KLHL41: variants seen among roughly 807,000 people sequenced by gnomAD.
The protein encoded by KLHL41 is kelch like family member 41.
Under a neutral mutation model 49.2 loss-of-function variants are expected in KLHL41, and 31 were observed. The ratio of observed to expected loss-of-function variants is 0.63; its 90% CI spans 0.47 to 0.85. KLHL41 has a LOEUF of 0.85. KLHL41 is among the 40% of genes least tolerant of loss of function. The pLI is 0.00. For missense variants in KLHL41, 663 were observed against 726.7 expected, an observed-to-expected ratio of 0.91 and a Z score of 1.01; for synonymous variants, 218 against 258.5, an observed-to-expected ratio of 0.84 and a Z score of 1.50.
intron 1 of KLHL41, among the ~76,000 whole-genome samples, chr2:169,512,834 G>C (rs773715604): frequency 6.6e-5 from 10 of 152,200 alleles, no homozygotes; most frequent in Non-Finnish European, 1.3e-4. Context: ...TAATTTAGGA[G>C]TAATTTGACC....
rs577025903 is a variant in KLHL41, at chr2:169,511,101, T to A, written c.1110+213T>A. Among the ~76,000 whole-genome samples, 3 of 152,350 alleles carry A rather than the reference T, an allele frequency of 2.0e-5. No individual in the cohort carries two copies. The South Asian group carries it at 6.2e-4, about 32-fold the overall frequency. On this transcript the variant is annotated intron_variant, in intron 1 of 5. Coordinates refer to ENST00000284669, the MANE Select transcript of KLHL41 (RefSeq NM_006063.3). ...TAAAAAGTTTGGTGAATAATGAGGTTCTAATTCATGTTTAATGACTTAAGA... is the reference window on the plus strand; with the variant it reads ...TAAAAAGTTTGGTGAATAATGAGGTACTAATTCATGTTTAATGACTTAAGA...
At chr2:169,520,834 A>G in intron 4 of KLHL41, 27 bp from the exon 5 acceptor site, 1 of 1,533,366 alleles carries the variant, frequency 6.5e-7, no homozygotes, top group Non-Finnish European at 8.9e-7. Context: ...TAAGTTTTAC[A>G]TTGACTATAT....
At chr2:169,521,071 T>C (rs1334039528) in intron 5 of KLHL41, 64 bp downstream of exon 5, 3 of 1,497,710 alleles carry the variant, frequency 2.0e-6, no homozygotes, top group Non-Finnish European at 2.8e-6. Flanking sequence ...TAAACTATTT[T>C]GTAGTAAACA....
intron 5 of KLHL41, among the ~76,000 whole-genome samples, chr2:169,521,323 G>A (rs1684200174): frequency 6.6e-6 from 1 of 152,204 alleles, no homozygotes; most frequent in African/African-American, 2.4e-5. Context: ...CCAGTAGAGT[G>A]AAAGCCTCTT....
intron 1 of KLHL41, among the ~76,000 whole-genome samples, chr2:169,511,215 A>C (rs1013611300): frequency 1.3e-5 from 2 of 152,140 alleles, no homozygotes; most frequent in Non-Finnish European, 2.9e-5. Context: ...GTAAAAACTA[A>C]ATTTATTTTT....
Position 169,509,800 on chromosome 2 carries a change from G to A in KLHL41, c.22G>A (p.Ala8Thr), listed in dbSNP as rs1684001399. The change falls in exon 1 of 6, where the codon GCA (alanine) becomes ACA (threonine). Residue 8 changes from alanine (A) to threonine (T), a missense_variant. Ala to Thr is a moderately conservative substitution (Grantham distance 58). Coordinates refer to ENST00000284669, the MANE Select transcript of KLHL41 (RefSeq NM_006063.3). ...CAGAATGGATTCCCAGCGGGAACTT[G>A]CAGAGGAACTGCGGCTTTACCAATC... MDSQREL[A>T]EELRLYQSTL... The A allele has an allele frequency of 1.2e-6, 2 of 1,611,970 alleles. No homozygotes were observed. Among genetic ancestry groups the A allele is most frequent in the Non-Finnish European group, 1.7e-6 (2 of 1,179,632 alleles).
chr2:169,513,375 A>C (rs2105309234), intron 1 of KLHL41, among the ~76,000 whole-genome samples: 1 of 152,360 alleles, frequency 6.6e-6, no homozygotes, highest in East Asian at 1.9e-4. Flanking sequence ...CTATGACAAC[A>C]GTCAAAACCC....
chr2:169,522,382 C>T (rs569005964), intron 5 of KLHL41, among the ~76,000 whole-genome samples: 1 of 151,794 alleles, frequency 6.6e-6, no homozygotes, highest in Admixed American at 6.6e-5. Flanking sequence ...CTCCTCCCCC[C>T]AAAAAAGAGG....
chr2:169,518,424 A>C, intron 4 of KLHL41, 49 bp downstream of exon 4: 1 of 1,353,008 alleles, frequency 7.4e-7, no homozygotes, highest in Non-Finnish European at 1.0e-6. Context: ...TATACATTTT[A>C]ATTGTTAACT....
At chr2:169,513,092 T>C (rs1239272560) in intron 1 of KLHL41, among the ~76,000 whole-genome samples, 1 of 152,168 alleles carries the variant, frequency 6.6e-6, no homozygotes, top group Non-Finnish European at 1.5e-5. Flanking sequence ...GAAAGTGCCC[T>C]CTAACAGGTA....
rs867243284 is a variant in KLHL41 at position 169,520,306 on chromosome 2, G to A, written c.1563-555G>A. Among the ~76,000 whole-genome samples the A allele has an allele frequency of 1.8e-4, 20 of 111,700 alleles. 1 individual carries two copies. The highest frequency in any genetic ancestry group is 6.0e-4 in the African/African-American group (20 of 33,322). The allele number at this position is 111,700 out of a possible 152,430, so 73.3% of individuals were successfully genotyped here. A position where few individuals can be genotyped will look rare whatever the true frequency, so the allele number is the denominator to read the frequency against. On this transcript the variant is annotated intron_variant, in intron 4 of 5. Coordinates refer to ENST00000284669, the MANE Select transcript of KLHL41 (RefSeq NM_006063.3). ...TGTGTGTGTGTGTGTGTGTGTGTGT[G>A]TGTGTATGTGTGTGTGTGTGTGTGG...
Position 169,510,865 on chromosome 2 carries a change from C to A in KLHL41, c.1087C>A (p.Pro363Thr). The change falls in exon 1 of 6, where the codon CCT becomes ACT. Residue 363 changes from proline to threonine, a missense_variant. By Grantham distance (38) the Pro-to-Thr change is conservative. This residue lies in a region of KLHL41 where 528 missense variants were observed against 581.0 expected (regional missense o/e 0.91). Coordinates refer to ENST00000284669, the MANE Select transcript of KLHL41 (RefSeq NM_006063.3). This position sits in a 1 kb window ranked among gnomAD's most constrained non-coding sequence, Gnocchi z 4.2. ...TGTGGATGAAGAAAATAAGGATCAACCTCTACAGTCATACTTCTTCCAGGT... is the reference window on the plus strand; with the variant it reads ...TGTGGATGAAGAAAATAAGGATCAAACTCTACAGTCATACTTCTTCCAGGT... ...LYVDEENKDQPLQSYFFQLDS... is the reference protein window; with the variant it reads ...LYVDEENKDQTLQSYFFQLDS... The A allele has an allele frequency of 6.2e-7, 1 of 1,613,618 alleles. No individual in the cohort carries two copies. Among genetic ancestry groups the A allele is most frequent in the Non-Finnish European group, 8.5e-7 (1 of 1,179,738 alleles).
chr2:169,524,936 A>G (rs1224255722), intron 5 of KLHL41, among the ~76,000 whole-genome samples: 2 of 152,180 alleles, frequency 1.3e-5, no homozygotes, highest in African/African-American at 4.8e-5. Context: ...TTCCCACACA[A>G]AGAAAATATT....
At chr2:169,515,232 C>T (rs1684098187) in intron 3 of KLHL41, among the ~76,000 whole-genome samples, 1 of 151,908 alleles carries the variant, frequency 6.6e-6, no homozygotes, top group African/African-American at 2.4e-5. Context: ...AGGGTTTCTC[C>T]ATGTTGGTCA....
intron 5 of KLHL41, among the ~76,000 whole-genome samples, chr2:169,521,219 A>T (rs1684198613): frequency 6.6e-6 from 1 of 152,162 alleles, no homozygotes; most frequent in Non-Finnish European, 1.5e-5. Flanking sequence ...GAAAGAAATC[A>T]TCTGGGCAGG....
intron 5 of KLHL41, among the ~76,000 whole-genome samples, chr2:169,523,712 T>C (rs1684237790): frequency 6.6e-6 from 1 of 152,126 alleles, no homozygotes; most frequent in African/African-American, 2.4e-5. Context: ...GAACCTGTAA[T>C]CTACTACAGT....
At position 169,519,691 on chromosome 2, in the gene KLHL41, C is replaced by T. The variant is rs1285714084; in HGVS notation, c.1563-1170C>T. On this transcript the variant is annotated intron_variant, in intron 4 of 5. Coordinates refer to ENST00000284669, the MANE Select transcript of KLHL41 (RefSeq NM_006063.3). ...TTTGAGACAGGGTCTCACTGTGTCA[C>T]ACAGGCTGGAGTACAGATTTTCTAT... 2.7e-5 allele frequency among the ~76,000 whole-genome samples: 4 copies of T among 146,672 alleles called. No homozygotes were observed. The East Asian group carries it at 8.0e-4, about 29-fold the overall frequency.
chr2:169,515,029 TC>T, intron 3 of KLHL41, 68 bp downstream of exon 3: 2 of 972,026 alleles, frequency 2.1e-6, no homozygotes, highest in Admixed American at 2.8e-5. Context: ...CTTCCTCTTT[TC>T]TTTTCTTTTT....
intron 3 of KLHL41, among the ~76,000 whole-genome samples, chr2:169,517,559 G>A (rs7600434): frequency 0.038 from 5,755 of 152,300 alleles, 142 homozygotes; most frequent in East Asian, 0.11. Context: ...AGCCAAGATC[G>A]CACCACTGCA....
Sources: allele counts gnomAD v4.1 joint callset (sites outside exome capture counted in the v4.1 genomes callset), GRCh38; gene constraint gnomAD v4.1.1; regional missense constraint gnomAD v4.1.1; non-coding constraint Gnocchi (gnomAD v3.1); transcripts MANE v1.5; gene names NCBI Gene and HGNC (gene_info 2026-07-23, HGNC 2026-07-21).